PTPRK: variants seen among roughly 807,000 people sequenced by gnomAD.
PTPRK encodes the protein receptor-type tyrosine-protein phosphatase kappa.
In PTPRK, 75 loss-of-function variants were observed where a neutral mutation model predicts 178.0. The observed-to-expected ratio is 0.42, with a 90% CI of 0.35 to 0.51. The LOEUF is 0.51. Ranked by LOEUF, PTPRK falls within the 20% of genes least tolerant of loss-of-function variation. The pLI is 0.02. For synonymous variants in PTPRK, 637 were observed against 620.6 expected (o/e 1.03, Z -0.39); for missense variants, 1,441 against 1,797.8 (o/e 0.80, Z 3.59).
At chr6:128,399,747 T>G (rs1389751316) in intron 1 of PTPRK, among the ~76,000 whole-genome samples, 1 of 152,168 alleles carries the variant, frequency 6.6e-6, no homozygotes, top group Non-Finnish European at 1.5e-5. Context: ...TGGCCTTAAT[T>G]GCTCTCCTTC....
intron 13 of PTPRK, among the ~76,000 whole-genome samples, chr6:128,049,302 G>A (rs1582721330): frequency 6.6e-6 from 1 of 152,218 alleles, no homozygotes; most frequent in African/African-American, 2.4e-5. Flanking sequence ...TACAACCAAA[G>A]TAGTTTCAAA....
At chr6:128,342,225 C>G (rs531011405) in intron 2 of PTPRK, among the ~76,000 whole-genome samples, 3 of 151,854 alleles carry the variant, frequency 2.0e-5, no homozygotes, top group Non-Finnish European at 2.9e-5. Flanking sequence ...TGCACTCAAG[C>G]CTGGGTGACA....
intron 2 of PTPRK, among the ~76,000 whole-genome samples, chr6:128,386,203 G>A (rs1403201921): frequency 3.3e-5 from 5 of 152,038 alleles, no homozygotes; most frequent in African/African-American, 1.2e-4. Context: ...CAGATAACTG[G>A]ATAAATAACT....
At chr6:128,420,197 G>A (rs549363548) in intron 1 of PTPRK, among the ~76,000 whole-genome samples, 4 of 152,084 alleles carry the variant, frequency 2.6e-5, no homozygotes, top group East Asian at 3.9e-4. Context: ...ATAGTGTGTC[G>A]AGAAAAATAG....
At chr6:128,071,354 T>G (rs1353210010) in intron 11 of PTPRK, among the ~76,000 whole-genome samples, 1 of 151,904 alleles carries the variant, frequency 6.6e-6, no homozygotes, top group Non-Finnish European at 1.5e-5. Context: ...ATCTTCAGAG[T>G]CTTTTAAAGT....
chr6:128,026,458 A>T (rs1407110392), intron 13 of PTPRK, among the ~76,000 whole-genome samples: 3 of 152,190 alleles, frequency 2.0e-5, no homozygotes, highest in African/African-American at 7.2e-5. Context: ...CTACTGTGTG[A>T]TCTGGGACAA....
intron 3 of PTPRK, among the ~76,000 whole-genome samples, chr6:128,268,141 T>A (rs1819242896): frequency 6.6e-6 from 1 of 151,984 alleles, no homozygotes; most frequent in Non-Finnish European, 1.5e-5. Flanking sequence ...TATTATGAAA[T>A]AATCATTATG....
At chr6:128,130,472 T>G (rs576227155) in intron 7 of PTPRK, among the ~76,000 whole-genome samples, 9 of 151,988 alleles carry the variant, frequency 5.9e-5, no homozygotes, top group East Asian at 3.9e-4. Flanking sequence ...TAACCCTATA[T>G]TCCTCTCTTA....
chr6:128,162,062 C>T (rs1004749482), intron 7 of PTPRK, among the ~76,000 whole-genome samples: 1 of 151,526 alleles, frequency 6.6e-6, no homozygotes, highest in Non-Finnish European at 1.5e-5. Context: ...AGGTTAACAT[C>T]AGCACTACAA....
chr6:128,029,782 T>G (rs1343877655), intron 13 of PTPRK, among the ~76,000 whole-genome samples: 1 of 152,008 alleles, frequency 6.6e-6, no homozygotes, highest in Non-Finnish European at 1.5e-5. Context: ...TTCAAAATAC[T>G]TGTAAAGCAT....
chr6:128,486,675 T>C (rs1462827989), intron 1 of PTPRK, among the ~76,000 whole-genome samples: 1 of 151,864 alleles, frequency 6.6e-6, no homozygotes, highest in Non-Finnish European at 1.5e-5. Context: ...TGGAGGCATG[T>C]GCCTGCAGCA....
At chr6:128,451,857 C>A (rs536717511) in intron 1 of PTPRK, among the ~76,000 whole-genome samples, 1 of 151,984 alleles carries the variant, frequency 6.6e-6, no homozygotes, top group African/African-American at 2.4e-5. Context: ...TGGAAACCAC[C>A]GAACTAAGTC....
chr6:128,340,903 A>G (rs527365342), intron 2 of PTPRK: 32 of 324,944 alleles, frequency 9.8e-5, no homozygotes, highest in Non-Finnish European at 1.3e-4. Flanking sequence ...CTTTTGATAG[A>G]CTAATAGATT....
chr6:128,508,658 T>A (rs1211822905), intron 1 of PTPRK, among the ~76,000 whole-genome samples: 1 of 151,912 alleles, frequency 6.6e-6, no homozygotes, highest in Non-Finnish European at 1.5e-5. Flanking sequence ...AAATGAAAAA[T>A]TTCAAGCAGG....
chr6:128,259,429 T>C (rs937890482), intron 3 of PTPRK, among the ~76,000 whole-genome samples: 1 of 152,182 alleles, frequency 6.6e-6, no homozygotes, highest in African/African-American at 2.4e-5. Flanking sequence ...TTATGTATTA[T>C]GATTCCACTG....
intron 1 of PTPRK, among the ~76,000 whole-genome samples, chr6:128,416,942 TATA>T (rs1196295680): frequency 1.3e-5 from 2 of 148,572 alleles, no homozygotes; most frequent in African/African-American, 4.9e-5. Context: ...ATTTTATGGA[TATA>T]ATAATTATAT....
chr6:128,330,016 C>A (rs899965268), intron 2 of PTPRK, among the ~76,000 whole-genome samples: 1 of 152,134 alleles, frequency 6.6e-6, no homozygotes, highest in African/African-American at 2.4e-5. Flanking sequence ...TGAATAGCTA[C>A]CAAAGCACCA....
At chr6:128,428,387 T>C (rs1227271071) in intron 1 of PTPRK, among the ~76,000 whole-genome samples, 2 of 152,194 alleles carry the variant, frequency 1.3e-5, no homozygotes, top group African/African-American at 4.8e-5. Flanking sequence ...TCGTTATCTA[T>C]TCTTTCAACT....
intron 7 of PTPRK, among the ~76,000 whole-genome samples, chr6:128,143,078 C>T (rs529956680): frequency 1.1e-4 from 16 of 152,200 alleles, no homozygotes; most frequent in African/African-American, 3.9e-4. Flanking sequence ...AAACTTATAA[C>T]ACTTCTCCCC....
Sources: allele counts gnomAD v4.1 joint callset (sites outside exome capture counted in the v4.1 genomes callset), GRCh38; gene constraint gnomAD v4.1.1; transcripts MANE v1.5; gene names NCBI Gene and HGNC (gene_info 2026-07-23, HGNC 2026-07-21).